MARK3: variants seen among roughly 807,000 people sequenced by gnomAD.
MARK3 encodes the protein microtubule affinity regulating kinase 3, also known as MAP/microtubule affinity-regulating kinase 3.
A neutral mutation model predicts 90.1 loss-of-function variants in MARK3; 46 were observed. The ratio of observed to expected loss-of-function variants is 0.51; its 90% CI spans 0.40 to 0.65. MARK3 has a LOEUF of 0.65. MARK3 is among the 30% of genes least tolerant of loss of function. The pLI, the probability that MARK3 is intolerant of heterozygous loss-of-function variation, is 0.00. For missense variants in MARK3, 818 were observed against 947.2 expected (o/e 0.86, Z 1.79); for synonymous variants, 321 against 332.6 (o/e 0.97, Z 0.38).
At chr14:103,449,420 A>AG (rs2093075939) in intron 4 of MARK3, among the ~76,000 whole-genome samples, 1 of 150,822 alleles carries the variant, frequency 6.6e-6, no homozygotes. Flanking sequence ...TCCAAAAAAA[A>AG]AAAAAAAAAA....
At chr14:103,403,328 G>T (rs1303422856) in intron 1 of MARK3, among the ~76,000 whole-genome samples, 3 of 324 alleles carry the variant, frequency 9.3e-3, no homozygotes, top group African/African-American at 0.015. Flanking sequence ...GTGCCTGGTT[G>T]TGTGTGTGTG....
intron 2 of MARK3, among the ~76,000 whole-genome samples, chr14:103,423,927 C>T (rs958285790): frequency 3.3e-5 from 5 of 152,154 alleles, no homozygotes; most frequent in South Asian, 2.1e-4. Context: ...AGAATCAGTC[C>T]GGGCGCGATG....
intron 12 of MARK3, among the ~76,000 whole-genome samples, chr14:103,474,074 A>G (rs531575583): frequency 2.6e-5 from 4 of 151,088 alleles, no homozygotes; most frequent in East Asian, 3.9e-4. Context: ...ATTAGTTGGC[A>G]TGCGCCTGTA....
intron 15 of MARK3, among the ~76,000 whole-genome samples, chr14:103,492,989 G>A (rs776376707): frequency 3.3e-5 from 5 of 152,130 alleles, no homozygotes; most frequent in African/African-American, 9.7e-5. Flanking sequence ...TGCCTAGGAC[G>A]GACCCTCTTA....
At chr14:103,498,730 A>C in intron 16 of MARK3, 1 of 362,344 alleles carries the variant, frequency 2.8e-6, no homozygotes, top group Non-Finnish European at 4.7e-6. Flanking sequence ...TATGGTACCC[A>C]TGCAACAAAA....
intron 12 of MARK3, among the ~76,000 whole-genome samples, chr14:103,471,356 C>T (rs1429603171): frequency 6.6e-6 from 1 of 152,210 alleles, no homozygotes; most frequent in Non-Finnish European, 1.5e-5. Flanking sequence ...TGTACACTCA[C>T]CAAACCTCTG....
chr14:103,503,066 G>A lies in MARK3; in HGVS notation c.2101G>A (p.Val701Ile), dbSNP rs752727889. The A allele has an allele frequency of 2.7e-5, 44 of 1,614,106 alleles. No individual in the cohort carries two copies. The highest frequency in any genetic ancestry group is 4.5e-5 in the East Asian group (2 of 44,902). The stretch of plus-strand genomic sequence containing the variant: ...GAGGGAGCGCTTCTTGCTCTTCTGC[G>A]TCCACGGAGATGGGCACGCGGAGAA... ...EQRERFLLFC[V>I]HGDGHAENLV... Residue 701 changes from valine to isoleucine, a missense_variant, in exon 18 of 18, where the codon GTC (valine) becomes ATC (isoleucine). Coordinates refer to ENST00000429436, the MANE Select transcript of MARK3 (RefSeq NM_001128918.3).
At chr14:103,469,164 T>C (rs2093577423) in intron 12 of MARK3, 1 of 151,766 alleles carries the variant, frequency 6.6e-6, no homozygotes, top group African/African-American at 2.4e-5. Flanking sequence ...ATTTATTTTT[T>C]ATTATTTTTA....
At chr14:103,412,222 G>C in intron 2 of MARK3, 1 of 875,492 alleles carries the variant, frequency 1.1e-6, no homozygotes, top group Non-Finnish European at 1.8e-6. Flanking sequence ...TAACAGCCAG[G>C]TGAATGTTAT....
In MARK3 at chr14:103,428,459, C is replaced by T. The variant is rs1016177291; in HGVS notation, c.297+19C>T. ...ACAAAAGGTAAGATTGGTTCAATGTCTAGTACTTTTTAAAAAATTATCGGT... is the reference window on the plus strand; with the variant it reads ...ACAAAAGGTAAGATTGGTTCAATGTTTAGTACTTTTTAAAAAATTATCGGT... On this transcript the variant is annotated intron_variant, in intron 3 of 17. Transcript: ENST00000429436. 10 of 1,457,150 alleles carry T rather than the reference C, an allele frequency of 6.9e-6. No homozygotes were observed. The African/African-American group carries it at 1.4e-4, about 21-fold the overall frequency. The allele number at this position is 1,457,150 out of a possible 1,614,324, so 90.3% of individuals were successfully genotyped here.
chr14:103,473,560 T>TTTTTGTTTTATATG lies in MARK3; in HGVS notation c.1265-1430_1265-1417dup, dbSNP rs2093665859. 6.6e-5 allele frequency among the ~76,000 whole-genome samples: 10 copies of TTTTTGTTTTATATG among 152,144 alleles called. No individual in the cohort carries two copies. The South Asian group carries it at 2.1e-3, about 32-fold the overall frequency. ...TAATATCACCCTATGCTTGATTAAG[T>TTTTTGTTTTATATG]TTTTGTTTTATATGTTAAAATCACT... On this transcript the variant is annotated intron_variant, in intron 12 of 17. Coordinates refer to ENST00000429436, the MANE Select transcript of MARK3 (RefSeq NM_001128918.3).
At chr14:103,444,719 G>A (rs1474419082) in intron 3 of MARK3, among the ~76,000 whole-genome samples, 5 of 152,138 alleles carry the variant, frequency 3.3e-5, no homozygotes, top group Admixed American at 2.0e-4. Context: ...GGAGCTTTCA[G>A]TGAGCCAAGA....
chr14:103,497,510 T>C (rs1007483144), intron 15 of MARK3, among the ~76,000 whole-genome samples: 1 of 152,202 alleles, frequency 6.6e-6, no homozygotes, highest in African/African-American at 2.4e-5. Context: ...AACCTGCACA[T>C]CTCCTTAAAT....
At chr14:103,427,225 C>T (rs1030815715) in intron 2 of MARK3, among the ~76,000 whole-genome samples, 12 of 150,806 alleles carry the variant, frequency 8.0e-5, no homozygotes, top group Admixed American at 6.6e-4. Flanking sequence ...ACAGGCCAGG[C>T]GCTGTGGCTC....
At chr14:103,492,084 A>G in intron 15 of MARK3, 50 bp downstream of exon 15, 2 of 1,582,980 alleles carry the variant, frequency 1.3e-6, no homozygotes, top group Middle Eastern at 1.9e-4. Flanking sequence ...GAGCAAAAGG[A>G]AAGATGTCTT....
At chr14:103,423,178 AT>A (rs1270301587) in intron 2 of MARK3, among the ~76,000 whole-genome samples, 1 of 116,990 alleles carries the variant, frequency 8.5e-6, no homozygotes, top group Non-Finnish European at 1.7e-5. Flanking sequence ...AGGCCACTCT[AT>A]CCCCCTAGAG....
At chr14:103,448,807 C>A in intron 3 of MARK3, 112 bp from the exon 4 acceptor site, 1 of 1,025,732 alleles carries the variant, frequency 9.7e-7, no homozygotes. Flanking sequence ...TAAACATTAG[C>A]AATGAATCTG....
chr14:103,401,932 G>A (rs577341038), intron 1 of MARK3, among the ~76,000 whole-genome samples: 1 of 152,288 alleles, frequency 6.6e-6, no homozygotes, highest in Non-Finnish European at 1.5e-5. Context: ...TAGATTTGAA[G>A]AGAAGAAAGG....
chr14:103,423,200 C>CTGTTTTTTTTTTTTTT (rs576636723), intron 2 of MARK3, among the ~76,000 whole-genome samples: 1 of 94,720 alleles, frequency 1.1e-5, no homozygotes. Context: ...GACTTGCAGT[C>CTGTTTTTTTTTTTTTT]TTTTTTTTTT....
Sources: allele counts gnomAD v4.1 joint callset (sites outside exome capture counted in the v4.1 genomes callset), GRCh38; gene constraint gnomAD v4.1.1; transcripts MANE v1.5; gene names NCBI Gene and HGNC (gene_info 2026-07-23, HGNC 2026-07-21).